Variants in MBTD1 observed in about 807,000 individuals in gnomAD.
MBTD1 encodes the protein MBT domain-containing protein 1.
Under a neutral mutation model 87.8 loss-of-function variants are expected in MBTD1, and 24 were observed. The ratio of observed to expected loss-of-function variants is 0.27; its 90% CI spans 0.20 to 0.38. MBTD1 has a LOEUF of 0.38. Among genes scored for constraint, MBTD1 ranks in the 10% least tolerant of loss-of-function variants. The pLI is 1.00. For missense variants in MBTD1, 436 were observed against 760.2 expected (o/e 0.57, Z 5.02); for synonymous variants, 237 against 248.6 (o/e 0.95, Z 0.44).
chr17:51,194,622 C>T (rs997225457), intron 13 of MBTD1, among the ~76,000 whole-genome samples: 5 of 140,768 alleles, frequency 3.6e-5, no homozygotes, highest in Admixed American at 7.3e-5. Context: ...GTGGTTCACT[C>T]CTAATCCCAG....
At chr17:51,211,263 T>C (rs561206296) in intron 6 of MBTD1, among the ~76,000 whole-genome samples, 1 of 151,814 alleles carries the variant, frequency 6.6e-6, no homozygotes, top group South Asian at 2.1e-4. Context: ...GAGGCCAAGG[T>C]TGGGGGATTG....
At chr17:51,186,736 T>C (rs922082947) in intron 16 of MBTD1, among the ~76,000 whole-genome samples, 13 of 104,416 alleles carry the variant, frequency 1.2e-4, no homozygotes, top group Non-Finnish European at 2.1e-4. Flanking sequence ...ATCGTGCCAC[T>C]GCACTCCAAC....
intron 7 of MBTD1, among the ~76,000 whole-genome samples, chr17:51,204,951 T>C (rs1428111110): frequency 6.6e-6 from 1 of 152,164 alleles, no homozygotes; most frequent in African/African-American, 2.4e-5. Context: ...AAAAGTTCAA[T>C]AAACACAAAG....
chr17:51,182,935 C>T (rs770059976), intron 16 of MBTD1, among the ~76,000 whole-genome samples: 27 of 152,050 alleles, frequency 1.8e-4, no homozygotes, highest in Non-Finnish European at 2.5e-4. Context: ...TCAAATAGTA[C>T]AGTCAGAAAA....
At chr17:51,218,863 T>C in intron 5 of MBTD1, 67 bp downstream of exon 5, 1 of 932,142 alleles carries the variant, frequency 1.1e-6, no homozygotes, top group Non-Finnish European at 1.7e-6. Flanking sequence ...AAAATTACAA[T>C]GTCATTAATT....
At chr17:51,224,032 T>G (rs1036891285) in intron 3 of MBTD1, among the ~76,000 whole-genome samples, 1 of 152,210 alleles carries the variant, frequency 6.6e-6, no homozygotes, top group Non-Finnish European at 1.5e-5. Flanking sequence ...TAAAGCAATT[T>G]TGGTGGCATG....
intron 7 of MBTD1, among the ~76,000 whole-genome samples, chr17:51,204,293 G>A (rs1416238553): frequency 1.3e-5 from 2 of 151,846 alleles, no homozygotes; most frequent in Non-Finnish European, 2.9e-5. Flanking sequence ...GTCTTGCTCT[G>A]TTGCCTAGGC....
At position 51,259,841 on chromosome 17, in the gene MBTD1, CTT is replaced by C; in HGVS notation, c.-121_-120del. Reference sequence around the variant, plus strand: ...TGCCGCGCTCGGCTCTCACCAGATCCTTTGTGTTTTCCATCAGGGCCTCATGG... The same window carrying C: ...TGCCGCGCTCGGCTCTCACCAGATCCTGTGTTTTCCATCAGGGCCTCATGG... On this transcript the variant is annotated 5_prime_UTR_variant, in exon 1 of 17. An upstream open reading frame in the 5' UTR loses its in-frame stop. Coordinates refer to ENST00000586178, the MANE Select transcript of MBTD1 (RefSeq NM_017643.3). The C allele has an allele frequency of 8.1e-7, 1 of 1,232,096 alleles. No homozygotes were observed. The highest frequency in any genetic ancestry group is 1.0e-6 in the Non-Finnish European group (1 of 987,976). The allele number at this position is 1,232,096 out of a possible 1,614,324, so 76.3% of individuals were successfully genotyped here. A position where few individuals can be genotyped will look rare whatever the true frequency, so the allele number is the denominator to read the frequency against.
intron 6 of MBTD1, among the ~76,000 whole-genome samples, chr17:51,214,815 T>C (rs543668051): frequency 1.1e-4 from 17 of 152,298 alleles, no homozygotes; most frequent in Admixed American, 5.2e-4. Flanking sequence ...TCAGAGCAAG[T>C]ATCAAGTCTT....
intron 4 of MBTD1, 107 bp from the exon 5 acceptor site, chr17:51,219,151 TAGAAAATTATTAA>T: frequency 1.6e-6 from 1 of 610,498 alleles, no homozygotes; most frequent in Non-Finnish European, 3.0e-6. Context: ...ATTGAGGGTT[TAGAAAATTATTAA>T]AGCAGAGGAA....
intron 2 of MBTD1, chr17:51,251,340 A>G (rs2054770168): frequency 6.6e-6 from 1 of 151,932 alleles, no homozygotes; most frequent in African/African-American, 2.4e-5. Flanking sequence ...CTTCACTGCC[A>G]TGTTTCCAAG....
At chr17:51,245,860 TTAGA>T (rs1201140720) in intron 2 of MBTD1, among the ~76,000 whole-genome samples, 1 of 152,238 alleles carries the variant, frequency 6.6e-6, no homozygotes, top group Non-Finnish European at 1.5e-5. Flanking sequence ...ACTTCAAGTA[TTAGA>T]TAGTTCAACT....
intron 1 of MBTD1, 66 bp from the exon 2 acceptor site, chr17:51,259,272 A>T: frequency 1.6e-6 from 2 of 1,231,568 alleles, no homozygotes; most frequent in Non-Finnish European, 2.0e-6. Context: ...ACCGACTTGA[A>T]ACCCTTTTAA....
At chr17:51,190,475 T>C (rs2050740323) in intron 16 of MBTD1, among the ~76,000 whole-genome samples, 1 of 151,716 alleles carries the variant, frequency 6.6e-6, no homozygotes, top group African/African-American at 2.4e-5. Context: ...TCCCAGCACT[T>C]TGGGAGACCA....
chr17:51,237,199 G>A (rs2053891395), intron 2 of MBTD1, among the ~76,000 whole-genome samples: 1 of 151,482 alleles, frequency 6.6e-6, no homozygotes, highest in African/African-American at 2.4e-5. Context: ...GGGAGGCTGA[G>A]GTGGAAGAAT....
At chr17:51,231,000 C>T (rs1342557375) in intron 2 of MBTD1, among the ~76,000 whole-genome samples, 7 of 152,128 alleles carry the variant, frequency 4.6e-5, no homozygotes, top group African/African-American at 1.7e-4. Flanking sequence ...TGCAGTGGCA[C>T]GATCTCAGCT....
intron 2 of MBTD1, among the ~76,000 whole-genome samples, chr17:51,233,673 C>A (rs1450748076): frequency 6.6e-6 from 1 of 151,596 alleles, no homozygotes; most frequent in Non-Finnish European, 1.5e-5. Context: ...AAGAAAAAAA[C>A]AAAACAAAAC....
At chr17:51,252,572 C>T (rs894120026) in intron 2 of MBTD1, among the ~76,000 whole-genome samples, 1 of 151,882 alleles carries the variant, frequency 6.6e-6, no homozygotes, top group Non-Finnish European at 1.5e-5. Flanking sequence ...CCCATCTCTA[C>T]TAAAAATACA....
intron 2 of MBTD1, among the ~76,000 whole-genome samples, chr17:51,227,207 A>G (rs142532085): frequency 0.015 from 2,153 of 142,360 alleles, 32 homozygotes; most frequent in Non-Finnish European, 0.021. Flanking sequence ...GAGCCACTGC[A>G]TTCCAGCCTG....
Sources: gnomAD v4.1 joint callset for allele counts (sites outside exome capture counted in the v4.1 genomes callset) on GRCh38, gnomAD v4.1.1 for gene constraint, MANE v1.5 for transcripts, NCBI Gene and HGNC (gene_info 2026-07-23, HGNC 2026-07-21) for gene names.